The following WNK2 variants were observed in gnomAD, a reference collection of about 807,000 sequenced individuals.
WNK2 encodes the protein serine/threonine-protein kinase WNK2.
A neutral mutation model predicts 192.1 loss-of-function variants in WNK2; 67 were observed. The ratio of observed to expected loss-of-function variants is 0.35; its 90% CI spans 0.29 to 0.43. WNK2 has a LOEUF of 0.43. WNK2 is among the 20% of genes least tolerant of loss of function. The probability of loss-of-function intolerance (pLI) is 1.00; values close to 1 mark genes in which losing one functional copy is unlikely to be tolerated. For missense variants in WNK2, 2,698 were observed against 3,089.7 expected, an observed-to-expected ratio of 0.87 and a Z score of 3.01; for synonymous variants, 1,439 against 1,393.9, an observed-to-expected ratio of 1.03 and a Z score of -0.72.
In WNK2 at chr9:93,289,532, C is replaced by A; in HGVS notation, c.4778C>A (p.Pro1593His). ...CTGGAGCCCCTGAGAGGGGACCAGC[C>A]CCGCTCAGAGGTCTGCGGGGGGGAC... is the stretch of plus-strand genomic sequence containing the variant. ...FTLEPLRGDQ[P>H]RSEVCGGDLA... Residue 1593 changes from proline to histidine, a missense_variant, in exon 20 of 30, where the codon CCC becomes CAC. Transcript: ENST00000427277. 1 of 1,593,184 alleles carries A rather than the reference C, an allele frequency of 6.3e-7. No homozygotes were observed. The highest frequency in any genetic ancestry group is 8.6e-7 in the Non-Finnish European group (1 of 1,166,522).
At position 93,230,815 on chromosome 9, in the gene WNK2, G is replaced by A. The variant is rs1838658806; in HGVS notation, c.855-73G>A. On this transcript the variant is annotated intron_variant, in intron 3 of 29. Coordinates refer to ENST00000427277, the MANE Select transcript of WNK2 (RefSeq NM_006648.4). ...GGACTTTGTACCAGGCCTAAGCAGTGTTAGGTGGGGGCTTTGCTAGGGGGC... is the reference window on the plus strand; with the variant it reads ...GGACTTTGTACCAGGCCTAAGCAGTATTAGGTGGGGGCTTTGCTAGGGGGC... 1.5e-5 allele frequency: 21 copies of A among 1,366,544 alleles called. 1 individual carries two copies. The South Asian group carries it at 2.6e-4, about 17-fold the overall frequency. 84.7% of individuals were successfully genotyped at this position (1,366,544 alleles called of 1,614,324 possible). A position where few individuals can be genotyped will look rare whatever the true frequency, so the allele number is the denominator to read the frequency against.
rs1444633564 is a variant in WNK2 at position 93,259,304 on chromosome 9, T to C, written c.2756T>C (p.Met919Thr). Reference protein sequence around the residue: ...QPVYPAAFPQMAPTDVPPSPH... With the variant: ...QPVYPAAFPQTAPTDVPPSPH... ...GTGTACCCAGCGGCCTTCCCACAGA[T>C]GGCGCCTACTGACGTCCCTCCTTCC... The change falls in exon 12 of 30, where the codon ATG becomes ACG. Residue 919 changes from methionine (M) to threonine (T), a missense_variant. This residue lies in a region of WNK2 where 893 missense variants were observed against 909.0 expected (regional missense o/e 0.98). Coordinates refer to ENST00000427277, the MANE Select transcript of WNK2 (RefSeq NM_006648.4). The surrounding 1 kb of genome is among the most constrained non-coding windows in gnomAD (Gnocchi z 4.8). 3.7e-6 allele frequency: 6 copies of C among 1,613,484 alleles called. No individual in the cohort carries two copies. In the Admixed American group the frequency reaches 6.7e-5, roughly 18 times the overall value.
chr9:93,256,863 T>A (rs1055249377), intron 10 of WNK2, 85 bp from the exon 11 acceptor site: 2 of 1,291,428 alleles, frequency 1.5e-6, no homozygotes, highest in African/African-American at 3.0e-5. Flanking sequence ...AGGGTGAGGG[T>A]TGATATCCTG....
intron 26 of WNK2, among the ~76,000 whole-genome samples, chr9:93,301,585 C>T (rs983759814): frequency 1.3e-5 from 2 of 152,060 alleles, no homozygotes; most frequent in African/African-American, 4.8e-5. Flanking sequence ...GGGCGCCTTC[C>T]CCCCCACCCC....
intron 23 of WNK2, among the ~76,000 whole-genome samples, chr9:93,297,089 C>T (rs1015878932): frequency 7.0e-6 from 1 of 143,010 alleles, no homozygotes; most frequent in Non-Finnish European, 1.5e-5. Context: ...TCTCGGCTTC[C>T]TCCCCTCGGC....
At position 93,306,734 on chromosome 9, in the gene WNK2, T is replaced by G; in HGVS notation, c.6215-43T>G. 4 of 1,613,562 alleles carry G rather than the reference T, an allele frequency of 2.5e-6. No homozygotes were observed. The East Asian group carries it at 8.9e-5, about 36-fold the overall frequency. The stretch of plus-strand genomic sequence containing the variant: ...TAGCGTGTCCCAGTGTGTGCTGTTC[T>G]GCCTAACCCTGTGGTCTTGTGTCGT... On this transcript the variant is annotated intron_variant, in intron 26 of 29. Coordinates refer to ENST00000427277, the MANE Select transcript of WNK2 (RefSeq NM_006648.4).
chr9:93,265,254 G>A (rs1844971401), intron 16 of WNK2, among the ~76,000 whole-genome samples: 1 of 152,266 alleles, frequency 6.6e-6, no homozygotes, highest in East Asian at 1.9e-4. Flanking sequence ...CAGAGGAGCA[G>A]TGTGGTGATG....
At chr9:93,296,875 A>C (rs1007866139) in intron 23 of WNK2, among the ~76,000 whole-genome samples, 27 of 31,080 alleles carry the variant, frequency 8.7e-4, no homozygotes, top group African/African-American at 1.7e-3. Flanking sequence ...TCCCCTCCGC[A>C]CCCTCCCCTC....
intron 8 of WNK2, among the ~76,000 whole-genome samples, chr9:93,248,839 T>C (rs773328791): frequency 6.6e-6 from 1 of 152,200 alleles, no homozygotes; most frequent in Non-Finnish European, 1.5e-5. Context: ...GTTCATTCTG[T>C]GAATATGCAT....
At chr9:93,294,034 C>A (rs532925496) in intron 23 of WNK2, among the ~76,000 whole-genome samples, 1 of 152,234 alleles carries the variant, frequency 6.6e-6, no homozygotes, top group South Asian at 2.1e-4. Context: ...TGTCCTGCTG[C>A]GGCTGGGGGG....
At chr9:93,267,967 C>T in intron 17 of WNK2, 51 bp downstream of exon 17, 2 of 1,604,522 alleles carry the variant, frequency 1.2e-6, no homozygotes, top group Non-Finnish European at 1.7e-6. Context: ...AGTGGCTGGG[C>T]AGGTGGGCGC....
At chr9:93,282,286 C>G (rs1847854003) in intron 19 of WNK2, among the ~76,000 whole-genome samples, 1 of 37,496 alleles carries the variant, frequency 2.7e-5, no homozygotes, top group African/African-American at 4.7e-5. Flanking sequence ...CAGATAACCT[C>G]CACACTTGTG....
intron 2 of WNK2, among the ~76,000 whole-genome samples, chr9:93,228,481 T>C (rs1431112568): frequency 6.6e-6 from 1 of 152,210 alleles, no homozygotes. Context: ...CTTCTGTGTT[T>C]AGTTATGTTT....
In WNK2 at chr9:93,288,924, T is replaced by C; in HGVS notation, c.4170T>C (p.Pro1390=). 1 of 1,558,750 alleles carries C rather than the reference T, an allele frequency of 6.4e-7. No individual in the cohort carries two copies. The highest frequency in any genetic ancestry group is 8.7e-7 in the Non-Finnish European group (1 of 1,147,220). Residue 1390 remains proline (P), a synonymous_variant, in exon 20 of 30, where the codon CCT becomes CCC. Transcript: ENST00000427277. ...CCCCTTTGGCCCCCTCCTCCCCTCC[T>C]GTGACTGCTCTGCCCCAAGATGGAG... ...PPAPLAPSSP[P]VTALPQDGAA... is the part of the protein sequence containing the mutation.
chr9:93,198,731 A>G (rs1009803315), intron 2 of WNK2, among the ~76,000 whole-genome samples: 2 of 152,182 alleles, frequency 1.3e-5, no homozygotes, highest in African/African-American at 4.8e-5. Context: ...AGTCATGATC[A>G]TAGCGTCTGC....
chr9:93,246,915 A>G (rs1184330886), intron 7 of WNK2, among the ~76,000 whole-genome samples: 1 of 152,256 alleles, frequency 6.6e-6, no homozygotes, highest in Non-Finnish European at 1.5e-5. Flanking sequence ...CTCTTTTATC[A>G]GAAGAAAGAA....
rs374528407 is a variant in WNK2 at position 93,299,083 on chromosome 9, C to T, written c.5937C>T (p.Asp1979=). 1.2e-6 allele frequency: 2 copies of T among 1,610,374 alleles called. No homozygotes were observed. Among genetic ancestry groups the T allele is most frequent in the African/African-American group, 2.7e-5 (2 of 74,870 alleles). Residue 1979 remains aspartate (D), a synonymous_variant, in exon 25 of 30, where the codon GAC becomes GAT. Transcript: ENST00000427277. ...CCCCCCGCCCAGGTCACTTGGCTGA[C>T]TCCAGCAGAGGCCCTCCCGCTAAGG... is the stretch of plus-strand genomic sequence containing the variant. ...VVASSTGHLA[D]SSRGPPAKDP... is the part of the protein sequence containing the mutation.
chr9:93,258,874 C>T, intron 11 of WNK2, 57 bp from the exon 12 acceptor site: 3 of 1,486,230 alleles, frequency 2.0e-6, no homozygotes, highest in Non-Finnish European at 2.8e-6. Flanking sequence ...CATGCAAGTG[C>T]TGTGGGCAGG....
At chr9:93,201,781 A>G (rs1832402084) in intron 2 of WNK2, among the ~76,000 whole-genome samples, 1 of 152,160 alleles carries the variant, frequency 6.6e-6, no homozygotes, top group African/African-American at 2.4e-5. Flanking sequence ...TAAATATTTG[A>G]TGAAGGCAAT....
Sources: allele counts gnomAD v4.1 joint callset (sites outside exome capture counted in the v4.1 genomes callset), GRCh38; gene constraint gnomAD v4.1.1; regional missense constraint gnomAD v4.1.1; non-coding constraint Gnocchi (gnomAD v3.1); transcripts MANE v1.5; gene names NCBI Gene and HGNC (gene_info 2026-07-23, HGNC 2026-07-21).